GUF1: variants seen among roughly 807,000 people sequenced by gnomAD.
GUF1 encodes translation factor GUF1, mitochondrial.
In GUF1, 78 loss-of-function variants were observed where a neutral mutation model predicts 82.4. The ratio of observed to expected loss-of-function variants is 0.95; its 90% confidence interval spans 0.79 to 1.14. GUF1 has a LOEUF of 1.14. Ranked by LOEUF, GUF1 falls within the 50% of genes most tolerant of loss-of-function variation. The pLI is 0.00. For missense variants in GUF1, 814 were observed against 798.2 expected, an observed-to-expected ratio of 1.02 and a Z score of -0.24; for synonymous variants, 279 against 282.3, an observed-to-expected ratio of 0.99 and a Z score of 0.12.
chr4:44,685,914 A>G, intron 6 of GUF1, 45 bp from the exon 7 acceptor site: 1 of 1,309,002 alleles, frequency 7.6e-7, no homozygotes, highest in Non-Finnish European at 1.1e-6. Context: ...AGAAAAGTAT[A>G]GTCTTAACTT....
chr4:44,682,532 G>C, intron 5 of GUF1, 121 bp downstream of exon 5: 1 of 502,652 alleles, frequency 2.0e-6, no homozygotes, highest in South Asian at 3.9e-5. Flanking sequence ...ATATATTGGT[G>C]GGATTTATCT....
At chr4:44,696,293 T>C (rs1032034402) in intron 15 of GUF1, among the ~76,000 whole-genome samples, 9 of 152,088 alleles carry the variant, frequency 5.9e-5, no homozygotes, top group African/African-American at 2.2e-4. Context: ...TTTCATGAAA[T>C]GTAATACATA....
Position 44,686,158 on chromosome 4 carries a change from G to C in GUF1, c.734+135G>C, listed in dbSNP as rs1034170784. ...GATGTGGCAAATATTCTTGCAGGCA[G>C]CGAGAATAAATTTATTTGCTTTTAG... On this transcript the variant is annotated intron_variant, in intron 7 of 16. Coordinates refer to ENST00000281543, the MANE Select transcript of GUF1 (RefSeq NM_021927.3). 6.1e-6 allele frequency: 4 copies of C among 660,104 alleles called. No individual in the cohort carries two copies. The African/African-American group carries it at 7.3e-5, about 12-fold the overall frequency. The allele number at this position is 660,104 out of a possible 1,614,324, so 40.9% of individuals were successfully genotyped here.
In GUF1 at chr4:44,690,884, A is replaced by G. The variant is rs752075051; in HGVS notation, c.1479+24A>G. On this transcript the variant is annotated intron_variant, in intron 12 of 16. Transcript: ENST00000281543. ...AGGTATAACTATAATACAATTTAAT[A>G]CAAAATTAGGTTTTAGTCCTCTGAA... 7.1e-6 allele frequency: 11 copies of G among 1,549,342 alleles called. No homozygotes were observed. In the Admixed American group the frequency reaches 2.1e-4, roughly 30 times the overall value.
chr4:44,680,363 G>A, intron 1 of GUF1, 78 bp from the exon 2 acceptor site: 1 of 622,014 alleles, frequency 1.6e-6, no homozygotes, highest in Non-Finnish European at 2.8e-6. Flanking sequence ...ACGATTAAAA[G>A]AATATTCTTT....
At chr4:44,687,900 A>G in intron 8 of GUF1, 107 bp from the exon 9 acceptor site, 2 of 942,892 alleles carry the variant, frequency 2.1e-6, no homozygotes, top group Middle Eastern at 3.0e-4. Flanking sequence ...AAGTGTATGG[A>G]AAGTTTGGAA....
At chr4:44,685,235 T>C (rs908603717) in intron 6 of GUF1, among the ~76,000 whole-genome samples, 1 of 152,162 alleles carries the variant, frequency 6.6e-6, no homozygotes, top group Admixed American at 6.6e-5. Flanking sequence ...ATTTTTGGTT[T>C]TCACATCTTG....
Position 44,700,819 on chromosome 4 carries a change from G to C in GUF1, c.*2138G>C, listed in dbSNP as rs1030363045. 6.6e-6 allele frequency: 1 copy of C among 152,108 alleles called. No individual in the cohort carries two copies. The highest frequency in any genetic ancestry group is 6.5e-5 in the Admixed American group (1 of 15,270). The allele number at this position is 152,108 out of a possible 1,614,324, so 9.4% of individuals were successfully genotyped here. A position where few individuals can be genotyped will look rare whatever the true frequency, so the allele number is the denominator to read the frequency against. On this transcript the variant is annotated 3_prime_UTR_variant, in exon 17 of 17. Coordinates refer to ENST00000281543, the MANE Select transcript of GUF1 (RefSeq NM_021927.3). ...CTAGATACATACATTATCATCTTAT[G>C]TATCTTCCCTCCCTCTTCCAGGTTC...
At position 44,689,388 on chromosome 4, in the gene GUF1, T is replaced by C; in HGVS notation, c.1181T>C (p.Leu394Pro). The C allele has an allele frequency of 6.2e-7, 1 of 1,606,234 alleles. No individual in the cohort carries two copies. Among genetic ancestry groups the C allele is most frequent in the Non-Finnish European group, 8.5e-7 (1 of 1,175,518 alleles). ...GTGACCGTTCATCGGGATAGTAGCC[T>C]TGCTCTGGGTGCTGGCTGGAGGTAA... ...SSVTVHRDSS[L>P]ALGAGWRLGF... The change falls in exon 10 of 17, where the codon CTT (leucine) becomes CCT (proline). Residue 394 changes from leucine (L) to proline (P), a missense_variant. Coordinates refer to ENST00000281543, the MANE Select transcript of GUF1 (RefSeq NM_021927.3).
chr4:44,697,349 A>G (rs1300481069), intron 15 of GUF1, 59 bp from the exon 16 acceptor site: 11 of 981,116 alleles, frequency 1.1e-5, no homozygotes, highest in African/African-American at 1.7e-5. Context: ...TTTGGTAAGG[A>G]AGTGCTTTTA....
chr4:44,694,754 AGTTTTAAACATTTTATAATGAT>A (rs1186503034), intron 14 of GUF1, among the ~76,000 whole-genome samples: 2 of 152,084 alleles, frequency 1.3e-5, no homozygotes, highest in African/African-American at 4.8e-5. Context: ...TATTAAAAAA[AGTTTTAAACATTTTATAATGAT>A]GGATTTAGAA....
intron 8 of GUF1, among the ~76,000 whole-genome samples, chr4:44,687,245 C>T (rs1242924650): frequency 6.6e-6 from 1 of 151,908 alleles, no homozygotes; most frequent in Non-Finnish European, 1.5e-5. Context: ...TGAGGCATGA[C>T]CTTGGGTACA....
chr4:44,685,782 A>T (rs1257848808), intron 6 of GUF1, among the ~76,000 whole-genome samples, 177 bp from the exon 7 acceptor site: 1 of 152,074 alleles, frequency 6.6e-6, no homozygotes, highest in Non-Finnish European at 1.5e-5. Context: ...ACGTAACTAT[A>T]ATAGAAAAAG....
chr4:44,690,357 T>G (rs1476957576), intron 11 of GUF1, among the ~76,000 whole-genome samples: 2 of 151,834 alleles, frequency 1.3e-5, no homozygotes, highest in African/African-American at 4.8e-5. Context: ...TTCTGGTGAC[T>G]GGGAAATTTT....
chr4:44,680,678 G>A lies in GUF1; in HGVS notation c.278-16G>A. 6.5e-7 allele frequency: 1 copy of A among 1,536,802 alleles called. No homozygotes were observed. The highest frequency in any genetic ancestry group is 8.8e-7 in the Non-Finnish European group (1 of 1,133,840). On this transcript the variant is annotated splice_polypyrimidine_tract_variant and intron_variant, in intron 2 of 16. Transcript: ENST00000281543. ...TTAAAGCCCAGAGAAATATCAATAAGTGTTTCTGTTTATAGGGACAATTGA... is the reference window on the plus strand; with the variant it reads ...TTAAAGCCCAGAGAAATATCAATAAATGTTTCTGTTTATAGGGACAATTGA...
intron 16 of GUF1, among the ~76,000 whole-genome samples, chr4:44,698,209 A>G (rs1263933782): frequency 1.3e-5 from 2 of 152,140 alleles, no homozygotes; most frequent in Non-Finnish European, 2.9e-5. Context: ...CCAAAGGCAC[A>G]TTTATTCCTA....
At chr4:44,685,539 G>T (rs1176309593) in intron 6 of GUF1, among the ~76,000 whole-genome samples, 1 of 152,030 alleles carries the variant, frequency 6.6e-6, no homozygotes, top group Non-Finnish European at 1.5e-5. Flanking sequence ...GATGCCTTAT[G>T]GTTTTATGCC....
intron 14 of GUF1, among the ~76,000 whole-genome samples, chr4:44,694,982 T>G (rs1715706795): frequency 6.6e-6 from 1 of 152,138 alleles, no homozygotes; most frequent in Non-Finnish European, 1.5e-5. Context: ...AATTTTTGTA[T>G]TTTTAGTAGA....
At chr4:44,694,294 CAT>C (rs3830340) in intron 13 of GUF1, 116 bp from the exon 14 acceptor site, 25,989 of 665,240 alleles carry the variant, frequency 0.039, 690 homozygotes, top group South Asian at 0.081. Context: ...TTGATGGAAA[CAT>C]ATCTCTTTGG....
Sources: gnomAD v4.1 joint callset for allele counts (sites outside exome capture counted in the v4.1 genomes callset) on GRCh38, gnomAD v4.1.1 for gene constraint, MANE v1.5 for transcripts, NCBI Gene and HGNC (gene_info 2026-07-23, HGNC 2026-07-21) for gene names.